The following NAV1 variants were observed in gnomAD, a reference collection of about 807,000 sequenced individuals.
NAV1 encodes the protein neuron navigator 1, also known as pore membrane and/or filament interacting like protein 3.
Under a neutral mutation model 175.2 loss-of-function variants are expected in NAV1, and 18 were observed. The observed-to-expected ratio is 0.10, with a 90% CI of 0.07 to 0.15. The LOEUF is 0.15. Ranked by LOEUF, NAV1 falls within the 10% of genes least tolerant of loss-of-function variation. The pLI, the probability that NAV1 is intolerant of heterozygous loss-of-function variation, is 1.00. For synonymous variants in NAV1, 897 were observed against 978.7 expected, an observed-to-expected ratio of 0.92 and a Z score of 1.56; for missense variants, 1,731 against 2,436.6, an observed-to-expected ratio of 0.71 and a Z score of 6.10.
intron 13 of NAV1, 30 bp downstream of exon 17, chr1:201,790,796 G>T: frequency 6.2e-7 from 1 of 1,612,140 alleles, no homozygotes; most frequent in Non-Finnish European, 8.5e-7. Context: ...GAAAGATCAA[G>T]GCAGTTATTT....
chr1:201,735,316 C>A (rs78695991), intron 3 of NAV1, among the ~76,000 whole-genome samples: 4,604 of 152,336 alleles, frequency 0.03, 110 homozygotes, highest in Middle Eastern at 0.044. Context: ...CTAATTTTCT[C>A]CTCTGTGAAA....
intron 1 of NAV1, among the ~76,000 whole-genome samples, chr1:201,702,271 T>C (rs1328651265): frequency 6.6e-6 from 1 of 152,218 alleles, no homozygotes; most frequent in African/African-American, 2.4e-5. Flanking sequence ...GGGCTTCTTA[T>C]TGGAATGATA....
intron 1 of NAV1, among the ~76,000 whole-genome samples, chr1:201,650,059 C>T (rs1366712634): frequency 1.3e-5 from 2 of 152,244 alleles, no homozygotes; most frequent in African/African-American, 4.8e-5. Flanking sequence ...CCGGCTCTGG[C>T]CCCAACCCCT....
At chr1:201,815,584 G>T (rs1312613261) in intron 28 of NAV1, among the ~76,000 whole-genome samples, 1 of 152,134 alleles carries the variant, frequency 6.6e-6, no homozygotes, top group Admixed American at 6.6e-5. Context: ...GGGCAGGGGG[G>T]TAGGTGAGTA....
At position 201,807,948 on chromosome 1, in the gene NAV1, T is replaced by C; in HGVS notation, c.3649-5T>C. 4 of 1,614,156 alleles carry C rather than the reference T, an allele frequency of 2.5e-6. No individual in the cohort carries two copies. Among genetic ancestry groups the C allele is most frequent in the South Asian group, 2.2e-5 (2 of 91,086 alleles). ...GTCCCTCTACCTGGATCTGCTTTTT[T>C]CTAGCTTCGAAGTTCCTTCAACAAA... On this transcript the variant is annotated splice_region_variant and splice_polypyrimidine_tract_variant and intron_variant, in intron 17 of 29. Coordinates refer to ENST00000367296, the Ensembl canonical transcript of NAV1. This position sits in a 1 kb window ranked among gnomAD's most constrained non-coding sequence, Gnocchi z 5.4.
chr1:201,791,974 G>C (rs181455108), intron 13 of NAV1: 2 of 152,082 alleles, frequency 1.3e-5, no homozygotes, highest in African/African-American at 2.4e-5. Flanking sequence ...GGGAGATGCT[G>C]GGGGGGAGAG....
At chr1:201,736,290 C>T (rs747820965) in intron 3 of NAV1, among the ~76,000 whole-genome samples, 5 of 152,178 alleles carry the variant, frequency 3.3e-5, no homozygotes, top group Non-Finnish European at 7.4e-5. Context: ...ACCAGGAAAT[C>T]GGGTATGTGA....
chr1:201,702,821 A>C (rs150188241), intron 1 of NAV1, among the ~76,000 whole-genome samples: 3 of 151,872 alleles, frequency 2.0e-5, no homozygotes, highest in South Asian at 2.1e-4. Flanking sequence ...ATTTGCTGTT[A>C]TATGTCCTTG....
chr1:201,556,565 G>T (rs1484295470), intron 1 of NAV1, among the ~76,000 whole-genome samples: 1 of 152,222 alleles, frequency 6.6e-6, no homozygotes, highest in Admixed American at 6.5e-5. Context: ...CTCCTCCTGG[G>T]CTTGCAGGAA....
At chr1:201,541,903 T>A (rs1043427210) in intron 1 of NAV1, among the ~76,000 whole-genome samples, 1 of 152,204 alleles carries the variant, frequency 6.6e-6, no homozygotes, top group African/African-American at 2.4e-5. Flanking sequence ...AAATCTCCTA[T>A]CCATCTTTTA....
At chr1:201,661,960 G>A (rs587180) in intron 1 of NAV1, among the ~76,000 whole-genome samples, 33,231 of 152,160 alleles carry the variant, frequency 0.22, 5,096 homozygotes, top group African/African-American at 0.44. Context: ...AACCTAGTGG[G>A]TTAGGTACTA....
Position 201,785,259 on chromosome 1 carries a change from C to A in NAV1, c.2805-51C>A, listed in dbSNP as rs371675388. 13 of 1,586,296 alleles carry A rather than the reference C, an allele frequency of 8.2e-6. No homozygotes were observed. The African/African-American group carries it at 1.8e-4, about 22-fold the overall frequency. ...CCTAAACTCTAGTTCCTAAGATGGACCCACATGCTTCTCTCTCTCTCTCTT... is the reference window on the plus strand; with the variant it reads ...CCTAAACTCTAGTTCCTAAGATGGAACCACATGCTTCTCTCTCTCTCTCTT... On this transcript the variant is annotated intron_variant, in intron 7 of 29. Transcript: ENST00000367296.
At chr1:201,608,570 A>G (rs1040378020) in intron 2 of NAV1, among the ~76,000 whole-genome samples, 2 of 152,216 alleles carry the variant, frequency 1.3e-5, no homozygotes, top group Admixed American at 6.5e-5. Flanking sequence ...CCAGCATGAC[A>G]GGGAAACAGA....
intron 3 of NAV1, among the ~76,000 whole-genome samples, chr1:201,759,742 AATGGAAATCTTGACAGTTGAATTCAC>A (rs753740576): frequency 2.6e-5 from 4 of 152,214 alleles, no homozygotes; most frequent in Non-Finnish European, 4.4e-5. Flanking sequence ...GCTTTGCTAC[AATGGAAATCTTGACAGTTGAATTCAC>A]ACAGATTAAA....
Position 201,660,793 on chromosome 1 carries a change from C to A in NAV1, c.757+11368C>A, listed in dbSNP as rs1222517745. Among the ~76,000 whole-genome samples the A allele has an allele frequency of 2.0e-5, 3 of 152,188 alleles. No individual in the cohort carries two copies. In the South Asian group the frequency reaches 6.2e-4, roughly 32 times the overall value. Reference sequence around the variant, plus strand: ...CATATGCAAAATATTTGACAACCCTCACAGGTTTCAGAGCTGGAGGAGTCC... The same window carrying A: ...CATATGCAAAATATTTGACAACCCTAACAGGTTTCAGAGCTGGAGGAGTCC... On this transcript the variant is annotated intron_variant, in intron 1 of 29. Coordinates refer to ENST00000367296, the Ensembl canonical transcript of NAV1.
At chr1:201,792,831 T>C (rs1677201380) in intron 13 of NAV1, 1 of 152,220 alleles carries the variant, frequency 6.6e-6, no homozygotes, top group Admixed American at 6.5e-5. Context: ...GCTCCAGACA[T>C]GCGGAGCAGT....
At chr1:201,613,706 T>C (rs560248614) in intron 2 of NAV1, among the ~76,000 whole-genome samples, 6 of 151,962 alleles carry the variant, frequency 3.9e-5, no homozygotes, top group Non-Finnish European at 7.4e-5. Context: ...CTAATAAAAA[T>C]ACAAAATTAG....
chr1:201,719,831 A>T (rs1672298200), intron 3 of NAV1, among the ~76,000 whole-genome samples: 1 of 152,056 alleles, frequency 6.6e-6, no homozygotes, highest in African/African-American at 2.4e-5. Flanking sequence ...TCCCCAATAA[A>T]AATCCCAGAC....
intron 1 of NAV1, among the ~76,000 whole-genome samples, chr1:201,674,439 T>C (rs1670165764): frequency 6.6e-6 from 1 of 152,018 alleles, no homozygotes; most frequent in South Asian, 2.1e-4. Flanking sequence ...GAAATAGTCA[T>C]TGCTGGTACC....
Sources: allele counts gnomAD v4.1 joint callset (sites outside exome capture counted in the v4.1 genomes callset), GRCh38; gene constraint gnomAD v4.1.1; non-coding constraint Gnocchi (gnomAD v3.1); transcripts MANE v1.5; gene names NCBI Gene and HGNC (gene_info 2026-07-23, HGNC 2026-07-21).